Variants in CNTNAP2 observed in about 807,000 individuals in gnomAD.
CNTNAP2 encodes the protein contactin-associated protein-like 2.
CNTNAP2 carries 98 observed loss-of-function variants against 155.2 expected under a neutral mutation model. That is an observed-to-expected ratio of 0.63 (90% CI 0.54 to 0.75). CNTNAP2 has a LOEUF of 0.75. Ranked by LOEUF, CNTNAP2 falls within the 30% of genes least tolerant of loss-of-function variation. The pLI, the probability that CNTNAP2 is intolerant of heterozygous loss-of-function variation, is 0.00. For missense variants in CNTNAP2, 1,727 were observed against 1,688.1 expected, an observed-to-expected ratio of 1.02 and a Z score of -0.40; for synonymous variants, 651 against 631.2, an observed-to-expected ratio of 1.03 and a Z score of -0.47.
chr7:147,727,838 T>C (rs1158953341), intron 13 of CNTNAP2, among the ~76,000 whole-genome samples: 2 of 150,112 alleles, frequency 1.3e-5, no homozygotes, highest in Non-Finnish European at 3.0e-5. Flanking sequence ...ATAATGGGAG[T>C]ATGAGGGACT....
intron 10 of CNTNAP2, among the ~76,000 whole-genome samples, chr7:147,464,590 T>C (rs1260872608): frequency 6.6e-6 from 1 of 151,986 alleles, no homozygotes; most frequent in African/African-American, 2.4e-5. Flanking sequence ...AGTTTCTTCA[T>C]CTGTAAAATA....
chr7:147,968,160 A>G (rs1198071417), intron 14 of CNTNAP2, among the ~76,000 whole-genome samples: 1 of 152,248 alleles, frequency 6.6e-6, no homozygotes, highest in Non-Finnish European at 1.5e-5. Flanking sequence ...ATGAAACAAT[A>G]TATCTGCCCT....
intron 8 of CNTNAP2, among the ~76,000 whole-genome samples, chr7:147,251,646 T>G (rs573852531): frequency 6.6e-6 from 1 of 152,330 alleles, no homozygotes; most frequent in South Asian, 2.1e-4. Flanking sequence ...CACAAATATT[T>G]GTGGACTTGG....
At chr7:147,123,470 G>A (rs1801161843) in intron 6 of CNTNAP2, among the ~76,000 whole-genome samples, 1 of 152,194 alleles carries the variant, frequency 6.6e-6, no homozygotes, top group African/African-American at 2.4e-5. Flanking sequence ...TGGACACTTT[G>A]AAGCCCATCT....
At chr7:146,841,447 T>C (rs1418691223) in intron 3 of CNTNAP2, among the ~76,000 whole-genome samples, 2 of 152,042 alleles carry the variant, frequency 1.3e-5, no homozygotes, top group African/African-American at 2.4e-5. Context: ...GAGTAAACAG[T>C]GAAGGCTTGG....
At chr7:146,243,353 A>G (rs958019553) in intron 1 of CNTNAP2, among the ~76,000 whole-genome samples, 2 of 151,906 alleles carry the variant, frequency 1.3e-5, no homozygotes, top group Non-Finnish European at 2.9e-5. Flanking sequence ...TTGCATTGCC[A>G]TTTCTGGTTG....
intron 7 of CNTNAP2, among the ~76,000 whole-genome samples, chr7:147,131,141 T>C (rs1359387161): frequency 6.7e-6 from 1 of 150,156 alleles, no homozygotes; most frequent in Non-Finnish European, 1.5e-5. Context: ...ACCATATACA[T>C]ATACATGTAC....
At chr7:147,019,056 A>C (rs372906447) in intron 3 of CNTNAP2, among the ~76,000 whole-genome samples, 2 of 152,086 alleles carry the variant, frequency 1.3e-5, no homozygotes, top group African/African-American at 4.8e-5. Flanking sequence ...GGACCCAAAG[A>C]GTTAAAAAAT....
At chr7:148,186,064 G>A (rs1022282329) in intron 18 of CNTNAP2, among the ~76,000 whole-genome samples, 5 of 152,108 alleles carry the variant, frequency 3.3e-5, no homozygotes, top group South Asian at 2.1e-4. Context: ...CAGCTTTTGC[G>A]CTAACATTCA....
At chr7:148,358,426 C>T (rs1024688480) in intron 21 of CNTNAP2, among the ~76,000 whole-genome samples, 8 of 152,056 alleles carry the variant, frequency 5.3e-5, no homozygotes, top group African/African-American at 9.7e-5. Flanking sequence ...AAATGGGAGA[C>T]GGGAGCATTT....
In CNTNAP2 at chr7:147,974,074, T is replaced by A. The variant is rs550828262; in HGVS notation, c.2256-3788T>A. On this transcript the variant is annotated intron_variant, in intron 14 of 23. Transcript: ENST00000361727. ...TAATGCCTGCTTTTAGTATTAAAAATTTTTTTAAGTTCAAAACCTACTAAA... is the reference window on the plus strand; with the variant it reads ...TAATGCCTGCTTTTAGTATTAAAAAATTTTTTAAGTTCAAAACCTACTAAA... 5.1e-4 allele frequency among the ~76,000 whole-genome samples: 60 copies of A among 116,838 alleles called. 2 individuals are homozygous for A. The highest frequency in any genetic ancestry group is 4.6e-3 in the East Asian group (16 of 3,508). 76.7% of individuals were successfully genotyped at this position (116,838 alleles called of 152,430 possible).
chr7:146,884,154 G>A (rs1302930806), intron 3 of CNTNAP2, among the ~76,000 whole-genome samples: 1 of 152,098 alleles, frequency 6.6e-6, no homozygotes, highest in African/African-American at 2.4e-5. Flanking sequence ...TTCAAGACCT[G>A]CAGTTAGCTC....
intron 1 of CNTNAP2, among the ~76,000 whole-genome samples, chr7:146,268,603 C>A (rs1009794884): frequency 6.6e-6 from 1 of 152,070 alleles, no homozygotes; most frequent in African/African-American, 2.4e-5. Context: ...TCCATCTCCA[C>A]CACCAAAACA....
At chr7:148,162,714 G>A (rs2906299) in intron 17 of CNTNAP2, among the ~76,000 whole-genome samples, 104 of 152,180 alleles carry the variant, frequency 6.8e-4, no homozygotes, top group African/African-American at 2.1e-3. Flanking sequence ...ACAATGGTCT[G>A]CCCAGGTGCA....
chr7:148,183,956 T>C (rs1795078556), intron 18 of CNTNAP2, among the ~76,000 whole-genome samples: 1 of 152,218 alleles, frequency 6.6e-6, no homozygotes, highest in African/African-American at 2.4e-5. Context: ...AGGGAATTTT[T>C]TCCATTTTTC....
At chr7:147,735,715 G>T (rs1404077978) in intron 13 of CNTNAP2, among the ~76,000 whole-genome samples, 4 of 152,104 alleles carry the variant, frequency 2.6e-5, no homozygotes, top group Admixed American at 1.3e-4. Context: ...CCTGTATTGG[G>T]TGCATATATA....
At chr7:146,787,756 G>C (rs1563230922) in intron 2 of CNTNAP2, among the ~76,000 whole-genome samples, 1 of 152,166 alleles carries the variant, frequency 6.6e-6, no homozygotes, top group Non-Finnish European at 1.5e-5. Context: ...ATTTTACAGA[G>C]AGCCGATTGG....
intron 1 of CNTNAP2, among the ~76,000 whole-genome samples, chr7:146,535,761 C>T (rs1346871924): frequency 6.6e-6 from 1 of 151,750 alleles, no homozygotes; most frequent in African/African-American, 2.4e-5. Flanking sequence ...ACCCTTTCCC[C>T]CTCCCTTGCT....
chr7:146,198,191 A>C (rs547337210), intron 1 of CNTNAP2, among the ~76,000 whole-genome samples: 1 of 152,168 alleles, frequency 6.6e-6, no homozygotes, highest in Non-Finnish European at 1.5e-5. Context: ...CATATCATCA[A>C]CTATCACTAA....
Sources: gnomAD v4.1 joint callset for allele counts (sites outside exome capture counted in the v4.1 genomes callset) on GRCh38, gnomAD v4.1.1 for gene constraint, MANE v1.5 for transcripts, NCBI Gene and HGNC (gene_info 2026-07-23, HGNC 2026-07-21) for gene names.